Variants in DCC observed in about 807,000 individuals in gnomAD.
The protein encoded by DCC is DCC netrin 1 receptor, also known as netrin receptor DCC.
Under a neutral mutation model 172.5 loss-of-function variants are expected in DCC, and 58 were observed. The ratio of observed to expected loss-of-function variants is 0.34; its 90% CI spans 0.27 to 0.42. The LOEUF is 0.42. DCC is among the 10% of genes least tolerant of loss of function. The pLI is 1.00. For missense variants in DCC, 1,740 were observed against 1,791.0 expected, an observed-to-expected ratio of 0.97 and a Z score of 0.51; for synonymous variants, 709 against 644.5, an observed-to-expected ratio of 1.10 and a Z score of -1.52.
intron 1 of DCC, among the ~76,000 whole-genome samples, chr18:52,497,656 T>C (rs989903524): frequency 3.9e-5 from 6 of 152,078 alleles, no homozygotes; most frequent in African/African-American, 1.2e-4. Flanking sequence ...GTGCTGCTTA[T>C]GTAATCGACA....
intron 2 of DCC, among the ~76,000 whole-genome samples, chr18:52,817,686 C>T (rs538573557): frequency 3.4e-4 from 51 of 152,028 alleles, no homozygotes; most frequent in African/African-American, 9.4e-4. Context: ...TGTATGTACA[C>T]GCATGCATAC....
chr18:53,216,740 C>G (rs2055858000), intron 12 of DCC, among the ~76,000 whole-genome samples: 2 of 152,044 alleles, frequency 1.3e-5, no homozygotes. Context: ...TTCTCTTATA[C>G]TTTTAGGCAA....
intron 2 of DCC, among the ~76,000 whole-genome samples, chr18:52,853,142 A>C (rs1165766252): frequency 6.6e-6 from 1 of 152,164 alleles, no homozygotes; most frequent in Non-Finnish European, 1.5e-5. Flanking sequence ...AGGGAGTTTG[A>C]ATAGAGACAA....
chr18:52,503,202 G>A (rs1309756024), intron 1 of DCC, among the ~76,000 whole-genome samples: 3 of 152,150 alleles, frequency 2.0e-5, no homozygotes, highest in Admixed American at 6.5e-5. Flanking sequence ...AAGACAATGA[G>A]GAGAAAAAGA....
intron 2 of DCC, among the ~76,000 whole-genome samples, chr18:52,774,370 C>A (rs2037392455): frequency 6.6e-6 from 1 of 152,102 alleles, no homozygotes; most frequent in African/African-American, 2.4e-5. Context: ...CAAGAAAAAA[C>A]CCCAAGGTAG....
At chr18:53,009,141 A>T (rs1325368721) in intron 5 of DCC, among the ~76,000 whole-genome samples, 2 of 151,918 alleles carry the variant, frequency 1.3e-5, no homozygotes, top group African/African-American at 4.8e-5. Context: ...GAGGAATTTT[A>T]TATATCTGAG....
intron 1 of DCC, among the ~76,000 whole-genome samples, chr18:52,706,761 G>A (rs1295946498): frequency 6.6e-6 from 1 of 152,152 alleles, no homozygotes; most frequent in East Asian, 1.9e-4. Flanking sequence ...AACATGATAG[G>A]CACTGCCTCG....
chr18:52,612,241 A>G (rs1409664595), intron 1 of DCC, among the ~76,000 whole-genome samples: 1 of 152,010 alleles, frequency 6.6e-6, no homozygotes, highest in Non-Finnish European at 1.5e-5. Flanking sequence ...GCCACCCTGC[A>G]CTCAGTTATT....
chr18:52,991,421 G>A (rs538528916), intron 5 of DCC, among the ~76,000 whole-genome samples: 4 of 152,302 alleles, frequency 2.6e-5, no homozygotes, highest in Non-Finnish European at 5.9e-5. Flanking sequence ...GGCGTATTAG[G>A]AGAGTAAATA....
chr18:53,196,716 G>A (rs552146392), intron 9 of DCC, among the ~76,000 whole-genome samples: 5 of 151,994 alleles, frequency 3.3e-5, no homozygotes, highest in Admixed American at 6.6e-5. Context: ...ATCTGCATCC[G>A]TTCTATATAT....
chr18:52,535,874 C>A (rs1253210781), intron 1 of DCC, among the ~76,000 whole-genome samples: 6 of 152,048 alleles, frequency 3.9e-5, no homozygotes, highest in African/African-American at 1.4e-4. Flanking sequence ...AGAGCCAAAG[C>A]CTGATTACAC....
At chr18:53,479,575 G>T (rs1012353253) in intron 25 of DCC, among the ~76,000 whole-genome samples, 2 of 152,140 alleles carry the variant, frequency 1.3e-5, no homozygotes, top group Admixed American at 6.5e-5. Context: ...AGCTTAAAAA[G>T]GTTCCTGTAG....
At chr18:52,530,004 T>C (rs991249075) in intron 1 of DCC, among the ~76,000 whole-genome samples, 4 of 152,176 alleles carry the variant, frequency 2.6e-5, no homozygotes, top group Non-Finnish European at 5.9e-5. Flanking sequence ...AGAAAGCTTA[T>C]AGTCAAGTCA....
At chr18:52,860,280 C>CT (rs1466664524) in intron 2 of DCC, among the ~76,000 whole-genome samples, 1 of 152,194 alleles carries the variant, frequency 6.6e-6, no homozygotes, top group African/African-American at 2.4e-5. Context: ...ACAAAAGCTG[C>CT]TTATATATAA....
At chr18:53,109,177 G>C (rs777205787) in intron 7 of DCC, among the ~76,000 whole-genome samples, 1 of 151,106 alleles carries the variant, frequency 6.6e-6, no homozygotes, top group Non-Finnish European at 1.5e-5. Flanking sequence ...TATATTTGTT[G>C]ACCGTTTGGG....
At chr18:52,703,282 T>C (rs781629738) in intron 1 of DCC, among the ~76,000 whole-genome samples, 4 of 151,988 alleles carry the variant, frequency 2.6e-5, no homozygotes, top group Non-Finnish European at 5.9e-5. Context: ...TCCTCTTCAA[T>C]CTTTCTTCTT....
chr18:52,361,471 T>C (rs1331823604), intron 1 of DCC, among the ~76,000 whole-genome samples: 2 of 152,198 alleles, frequency 1.3e-5, no homozygotes, highest in Admixed American at 6.5e-5. Context: ...ACAAAAGACA[T>C]GATTGAGATG....
chr18:52,798,365 C>A (rs1306688288), intron 2 of DCC, among the ~76,000 whole-genome samples: 9 of 152,090 alleles, frequency 5.9e-5, no homozygotes, highest in Non-Finnish European at 1.0e-4. Context: ...GAGGAAGTTT[C>A]TTTTCTTTTT....
chr18:52,848,330 G>T (rs2038927346), intron 2 of DCC, among the ~76,000 whole-genome samples: 1 of 151,906 alleles, frequency 6.6e-6, no homozygotes, highest in South Asian at 2.1e-4. Context: ...CAGGTGATTT[G>T]CCCACCTCGG....
Sources: allele counts gnomAD v4.1 joint callset (sites outside exome capture counted in the v4.1 genomes callset), GRCh38; gene constraint gnomAD v4.1.1; transcripts MANE v1.5; gene names NCBI Gene and HGNC (gene_info 2026-07-23, HGNC 2026-07-21).